ADRA1A: variants seen among roughly 807,000 people sequenced by gnomAD.
ADRA1A encodes adrenoceptor alpha 1A, also known as alpha-1A adrenergic receptor.
In ADRA1A, 31 loss-of-function variants were observed where a neutral mutation model predicts 29.6. That is an observed-to-expected ratio of 1.05 (90% CI 0.79 to 1.41). ADRA1A has a LOEUF of 1.41. Ranked by LOEUF, ADRA1A falls within the 40% of genes most tolerant of loss-of-function variation. ADRA1A has a pLI of 0.00. For missense variants in ADRA1A, 619 were observed against 601.1 expected (o/e 1.03, Z -0.31); for synonymous variants, 311 against 254.3 (o/e 1.22, Z -2.12).
At chr8:26,809,834 G>A (rs985485132) in intron 2 of ADRA1A, among the ~76,000 whole-genome samples, 1 of 152,156 alleles carries the variant, frequency 6.6e-6, no homozygotes, top group Non-Finnish European at 1.5e-5. Flanking sequence ...AGATAAAAGG[G>A]TTACAATCAT....
At chr8:26,768,283 C>G (rs979813628), downstream of ADRA1A, among the ~76,000 whole-genome samples, 9 of 152,186 alleles carry the variant, frequency 5.9e-5, no homozygotes, top group Admixed American at 3.9e-4. Flanking sequence ...GTTACAGCTG[C>G]TTTGAATTTG....
rs1375926570 is a variant in ADRA1A, at chr8:26,805,889, G to A, written c.884-35223C>T. ...CCAAGTGACGTTGGCCCTTGATAAA[G>A]ACACAGCTTATCAGAGCCTGTGCCC... is the stretch of plus-strand genomic sequence containing the variant. On this transcript the variant is annotated intron_variant, in intron 2 of 2. Transcript: ENST00000380573. The surrounding 1 kb of genome is among the most constrained non-coding windows in gnomAD (Gnocchi z 4.8). Among the ~76,000 whole-genome samples, 1 of 152,132 alleles carries A rather than the reference G, an allele frequency of 6.6e-6. No homozygotes were observed. The highest frequency in any genetic ancestry group is 1.9e-4 in the East Asian group (1 of 5,186).
chr8:26,822,415 T>C (rs1034535820), intron 2 of ADRA1A, among the ~76,000 whole-genome samples: 11 of 152,240 alleles, frequency 7.2e-5, no homozygotes, highest in Non-Finnish European at 1.5e-4. Flanking sequence ...GCCAGGATCA[T>C]TGAGGAAGTG....
intron 2 of ADRA1A, among the ~76,000 whole-genome samples, chr8:26,773,150 T>C (rs188135560): frequency 2.0e-5 from 3 of 152,348 alleles, no homozygotes; most frequent in Admixed American, 1.3e-4. Context: ...ACATAGTTAC[T>C]GGTAGGTTTG....
chr8:26,748,468 C>T (rs571058158), exon 3 of ADRA1A: 282 of 189,574 alleles, frequency 1.5e-3, no homozygotes, highest in African/African-American at 6.1e-3. Flanking sequence ...GGGCCGGGCA[C>T]GGTGGCTCAC....
Position 26,770,423 on chromosome 8 carries a change from C to G in ADRA1A, c.1127G>C (p.Arg376Pro), listed in dbSNP as rs140512348. 6.2e-7 allele frequency: 1 copy of G among 1,614,088 alleles called. No homozygotes were observed. Among genetic ancestry groups the G allele is most frequent in the African/African-American group, 1.3e-5 (1 of 74,938 alleles). Residue 376 changes from arginine (R) to proline (P), a missense_variant, in exon 3 of 3, where the codon CGC (arginine) becomes CCC (proline). Arg to Pro is a moderately radical substitution (Grantham distance 103). Coordinates refer to ENST00000380573, the MANE Select transcript of ADRA1A (RefSeq NM_000680.4). ...AVEGQHKDMV[R>P]IPVGSRETFY... is the part of the protein sequence containing the mutation. Reference sequence around the variant, plus strand: ...GGTCTCTCTTGATCCCACGGGGATGCGCACCATGTCCTTGTGTTGCCCTTC... The same window carrying G: ...GGTCTCTCTTGATCCCACGGGGATGGGCACCATGTCCTTGTGTTGCCCTTC...
intron 2 of ADRA1A, among the ~76,000 whole-genome samples, chr8:26,863,427 A>G (rs546254498): frequency 3.3e-5 from 5 of 152,354 alleles, no homozygotes; most frequent in Non-Finnish European, 7.3e-5. Context: ...AATACTTATT[A>G]TTAAAATAAA....
intron 2 of ADRA1A, among the ~76,000 whole-genome samples, chr8:26,814,670 C>G (rs544036583): frequency 7.9e-5 from 12 of 152,158 alleles, no homozygotes; most frequent in Non-Finnish European, 1.6e-4. Context: ...TTTTCTTTCT[C>G]TCCATCTATT....
intron 2 of ADRA1A, among the ~76,000 whole-genome samples, chr8:26,781,704 A>G (rs1403446860): frequency 6.6e-6 from 1 of 152,262 alleles, no homozygotes; most frequent in Non-Finnish European, 1.5e-5. Flanking sequence ...GTTGAAGCCT[A>G]TAATTCAGAT....
intron 2 of ADRA1A, among the ~76,000 whole-genome samples, chr8:26,783,123 G>A (rs1416121553): frequency 6.6e-6 from 1 of 152,308 alleles, no homozygotes; most frequent in South Asian, 2.1e-4. Context: ...TTGCCAGAGA[G>A]ATTCTGAGAA....
At chr8:26,779,077 TCA>T (rs1237825560) in intron 2 of ADRA1A, 4 of 464,688 alleles carry the variant, frequency 8.6e-6, no homozygotes, top group African/African-American at 2.0e-5. Context: ...ACGGTACATA[TCA>T]CAGTTTTTAA....
At chr8:26,798,505 T>C (rs984590298) in intron 2 of ADRA1A, among the ~76,000 whole-genome samples, 2 of 152,208 alleles carry the variant, frequency 1.3e-5, no homozygotes, top group African/African-American at 4.8e-5. Context: ...TTATTCTCAT[T>C]TACTTTTGTT....
At chr8:26,748,353 G>A (rs61758626) in exon 3 of ADRA1A, 14 of 178,890 alleles carry the variant, frequency 7.8e-5, no homozygotes, top group African/African-American at 1.9e-4. Flanking sequence ...CCCAACATCC[G>A]TCCAGCCCTG....
chr8:26,763,044 T>A (rs760844089), downstream of ADRA1A, among the ~76,000 whole-genome samples: 51 of 150,792 alleles, frequency 3.4e-4, no homozygotes, highest in Non-Finnish European at 4.6e-4. The surrounding 1 kb of genome is among the most constrained non-coding windows in gnomAD (Gnocchi z 4.5). Flanking sequence ...AAAGGAAAAA[T>A]AAGAAAAGAA....
chr8:26,756,766 A>G lies in ADRA1A; in HGVS notation c.1283T>C (p.Met428Thr), dbSNP rs747467014. 3 of 1,614,026 alleles carry G rather than the reference A, an allele frequency of 1.9e-6. No homozygotes were observed. The Admixed American group carries it at 5.0e-5, about 27-fold the overall frequency. The change falls in exon 3 of 3, where the codon ATG becomes ACG. Residue 428 changes from methionine to threonine, a missense_variant. By Grantham distance (81) the Met-to-Thr change is moderately conservative (BLOSUM62 -1). Transcript: ENST00000380582. ...GTGGACGGGAAGCTGGCTTCATGTC[A>G]TGGGTGTGTGTCCCTTTAAAACACA...
downstream of ADRA1A, among the ~76,000 whole-genome samples, chr8:26,767,246 A>T (rs1403193901): frequency 2.0e-5 from 3 of 152,226 alleles, no homozygotes; most frequent in South Asian, 2.1e-4. Flanking sequence ...ATTAGAGAAG[A>T]CATCGTTACT....
intron 2 of ADRA1A, among the ~76,000 whole-genome samples, chr8:26,857,286 G>A (rs185021759): frequency 4.4e-4 from 67 of 152,214 alleles, no homozygotes; most frequent in Middle Eastern, 6.8e-3. Flanking sequence ...AGAATCATGA[G>A]ACATAGATGG....
intron 2 of ADRA1A, among the ~76,000 whole-genome samples, chr8:26,778,185 T>C (rs577005388): frequency 1.3e-5 from 2 of 152,242 alleles, no homozygotes; most frequent in African/African-American, 4.8e-5. Context: ...AAGGAGCAGG[T>C]CCACCCAAAT....
chr8:26,839,914 G>T (rs375612189), intron 2 of ADRA1A, among the ~76,000 whole-genome samples: 3 of 152,262 alleles, frequency 2.0e-5, no homozygotes, highest in East Asian at 1.9e-4. Flanking sequence ...AGGAATGGAA[G>T]CCTTGACCCT....
Sources: gnomAD v4.1 joint callset for allele counts (sites outside exome capture counted in the v4.1 genomes callset) on GRCh38, gnomAD v4.1.1 for gene constraint, Gnocchi (gnomAD v3.1) non-coding constraint, MANE v1.5 for transcripts, NCBI Gene and HGNC (gene_info 2026-07-23, HGNC 2026-07-21) for gene names.